RAD18: variants seen among roughly 807,000 people sequenced by gnomAD.
RAD18 encodes the protein E3 ubiquitin-protein ligase RAD18.
Under a neutral mutation model 60.4 loss-of-function variants are expected in RAD18, and 47 were observed. The observed-to-expected ratio is 0.78, with a 90% CI of 0.62 to 0.99. RAD18 has a LOEUF of 0.99. Ranked by LOEUF, RAD18 falls within the 50% of genes least tolerant of loss-of-function variation. The pLI is 0.00. For synonymous variants in RAD18, 225 were observed against 195.5 expected (o/e 1.15, Z -1.26); for missense variants, 640 against 593.3 (o/e 1.08, Z -0.82).
In RAD18 at chr3:8,946,626, T is replaced by C. The variant is rs377738560; in HGVS notation, c.266+594A>G. ...GCATTTGACAGGAAGTAAAGTTGCA[T>C]ATCTGAGCTTTATAAAGTACAAGCA... On this transcript the variant is annotated intron_variant, in intron 4 of 12. Transcript: ENST00000264926. Among the ~76,000 whole-genome samples, 23 of 152,344 alleles carry C rather than the reference T, an allele frequency of 1.5e-4. No individual in the cohort carries two copies. In the South Asian group the frequency reaches 4.6e-3, roughly 30 times the overall value.
At chr3:8,954,251 T>G (rs548200366) in intron 2 of RAD18, among the ~76,000 whole-genome samples, 5 of 152,370 alleles carry the variant, frequency 3.3e-5, no homozygotes, top group African/African-American at 9.6e-5. Context: ...TGCTTTTAAC[T>G]GGACACTTTA....
At chr3:8,940,907 T>C (rs1020931028) in intron 5 of RAD18, among the ~76,000 whole-genome samples, 3 of 152,088 alleles carry the variant, frequency 2.0e-5, no homozygotes, top group East Asian at 1.9e-4. Flanking sequence ...TCACAGAGAA[T>C]AGGGTGGGTA....
intron 10 of RAD18, among the ~76,000 whole-genome samples, chr3:8,901,587 T>C (rs975466702): frequency 6.6e-6 from 1 of 152,166 alleles, no homozygotes; most frequent in Non-Finnish European, 1.5e-5. Flanking sequence ...ATGAGGTACC[T>C]GGAATGGGCA....
At chr3:8,920,364 T>C (rs1437599689) in intron 7 of RAD18, among the ~76,000 whole-genome samples, 2 of 151,514 alleles carry the variant, frequency 1.3e-5, no homozygotes, top group African/African-American at 2.4e-5. Flanking sequence ...CAAGTATCAA[T>C]TAGCAACTGT....
At chr3:8,900,522 C>T (rs1385384772) in intron 10 of RAD18, among the ~76,000 whole-genome samples, 1 of 152,190 alleles carries the variant, frequency 6.6e-6, no homozygotes, top group East Asian at 1.9e-4. Context: ...ATTCAATAAT[C>T]TGTGGGCATA....
At position 8,890,643 on chromosome 3, in the gene RAD18, G is replaced by A. The variant is rs188059095; in HGVS notation, c.1323-192C>T. Among the ~76,000 whole-genome samples, 158 of 152,266 alleles carry A rather than the reference G, an allele frequency of 1.0e-3. 2 individuals are homozygous for A. In the Middle Eastern group the frequency reaches 0.014, roughly 13 times the overall value. Reference sequence around the variant, plus strand: ...CCAAATGTAGTTTCCATTAGGAGAGGAGGAGCAAAGGCCAAAGGCGCTGAA... The same window carrying A: ...CCAAATGTAGTTTCCATTAGGAGAGAAGGAGCAAAGGCCAAAGGCGCTGAA... On this transcript the variant is annotated intron_variant, in intron 11 of 12. Transcript: ENST00000264926.
chr3:8,963,288 T>C (rs760105627), intron 1 of RAD18, 47 bp downstream of exon 1: 4 of 1,552,614 alleles, frequency 2.6e-6, no homozygotes, highest in East Asian at 2.4e-5. Context: ...GGGAGGGACC[T>C]CCCCCCGCAG....
intron 11 of RAD18, among the ~76,000 whole-genome samples, chr3:8,895,648 GTT>G (rs1939770947): frequency 6.7e-6 from 1 of 149,934 alleles, no homozygotes; most frequent in African/African-American, 2.5e-5. Flanking sequence ...TTTTTTTTTT[GTT>G]TGTTTGTTTA....
intron 1 of RAD18, among the ~76,000 whole-genome samples, chr3:8,959,211 C>T (rs552147100): frequency 6.6e-6 from 1 of 152,298 alleles, no homozygotes; most frequent in African/African-American, 2.4e-5. Context: ...TCTCAGGTTG[C>T]CCAAATTGCT....
intron 9 of RAD18, among the ~76,000 whole-genome samples, chr3:8,907,959 G>A (rs962570561): frequency 7.9e-5 from 12 of 152,286 alleles, no homozygotes; most frequent in East Asian, 7.7e-4. Context: ...CCAGCAGTGC[G>A]CTGAGTGAAA....
At chr3:8,917,454 T>C (rs1301037480) in intron 7 of RAD18, among the ~76,000 whole-genome samples, 1 of 152,106 alleles carries the variant, frequency 6.6e-6, no homozygotes, top group African/African-American at 2.4e-5. Context: ...GGACAAACAA[T>C]AGCAATGTAA....
chr3:8,940,363 A>AAAC (rs1940727306), intron 5 of RAD18, among the ~76,000 whole-genome samples: 1 of 152,188 alleles, frequency 6.6e-6, no homozygotes, highest in South Asian at 2.1e-4. Flanking sequence ...GCTAGGGGAA[A>AAAC]AACAGTTAAC....
At chr3:8,911,338 T>C (rs1273629289) in intron 9 of RAD18, among the ~76,000 whole-genome samples, 3 of 152,240 alleles carry the variant, frequency 2.0e-5, no homozygotes, top group Non-Finnish European at 4.4e-5. Context: ...GCAAGTTTTC[T>C]GGTTTCCTTA....
chr3:8,891,436 G>A (rs1939690477), intron 11 of RAD18, among the ~76,000 whole-genome samples: 1 of 152,090 alleles, frequency 6.6e-6, no homozygotes, highest in South Asian at 2.1e-4. Context: ...AATTTACCTA[G>A]GGGCTTTCAA....
chr3:8,880,036 AG>A lies in RAD18; in HGVS notation c.*1320del, dbSNP rs1939430819. ...CTTACCTCACATCAGTTCTGCCGATAGATTTGGTAAGTGGTGCTTTTAGTTT... is the reference window on the plus strand; with the variant it reads ...CTTACCTCACATCAGTTCTGCCGATAATTTGGTAAGTGGTGCTTTTAGTTT... On this transcript the variant is annotated 3_prime_UTR_variant, in exon 13 of 13. Coordinates refer to ENST00000264926, the MANE Select transcript of RAD18 (RefSeq NM_020165.4). The A allele has an allele frequency of 6.6e-6, 1 of 152,204 alleles. No individual in the cohort carries two copies. Among genetic ancestry groups the A allele is most frequent in the Non-Finnish European group, 1.5e-5 (1 of 68,036 alleles). The allele number at this position is 152,204 out of a possible 1,614,324, so 9.4% of individuals were successfully genotyped here.
In RAD18 at chr3:8,877,475, T is replaced by A. The variant is rs1346684715; in HGVS notation, c.*3882A>T. 6.6e-6 allele frequency: 1 copy of A among 152,218 alleles called. No individual in the cohort carries two copies. Among genetic ancestry groups the A allele is most frequent in the East Asian group, 1.9e-4 (1 of 5,192 alleles). 9.4% of individuals were successfully genotyped at this position (152,218 alleles called of 1,614,324 possible). A position where few individuals can be genotyped will look rare whatever the true frequency, so the allele number is the denominator to read the frequency against. On this transcript the variant is annotated 3_prime_UTR_variant, in exon 13 of 13. Transcript: ENST00000264926. Reference sequence around the variant, plus strand: ...ACATCCTAAAGTTCCCACCTCTTGTTAAGTTTCAACACATGAATTTTGGGG... The same window carrying A: ...ACATCCTAAAGTTCCCACCTCTTGTAAAGTTTCAACACATGAATTTTGGGG...
At chr3:8,948,913 T>C (rs944580665) in intron 2 of RAD18, among the ~76,000 whole-genome samples, 32 of 152,162 alleles carry the variant, frequency 2.1e-4, no homozygotes, top group Admixed American at 1.2e-3. Context: ...TTTGAAAATA[T>C]AAATTTTGAA....
chr3:8,944,725 C>T (rs1323023120), intron 4 of RAD18, among the ~76,000 whole-genome samples: 3 of 152,106 alleles, frequency 2.0e-5, no homozygotes, highest in African/African-American at 7.2e-5. Context: ...TATACAATAA[C>T]CTTACCTCTT....
chr3:8,953,725 G>A (rs1353240892), intron 2 of RAD18, among the ~76,000 whole-genome samples: 1 of 151,886 alleles, frequency 6.6e-6, no homozygotes, highest in Non-Finnish European at 1.5e-5. Flanking sequence ...TGGGAGAGGG[G>A]GCATCTCTAA....
Sources: gnomAD v4.1 joint callset for allele counts (sites outside exome capture counted in the v4.1 genomes callset) on GRCh38, gnomAD v4.1.1 for gene constraint, MANE v1.5 for transcripts, NCBI Gene and HGNC (gene_info 2026-07-23, HGNC 2026-07-21) for gene names.